The following TOX3 variants were observed in gnomAD, a reference collection of about 807,000 sequenced individuals.
The protein encoded by TOX3 is TOX high mobility group box family member 3.
A neutral mutation model predicts 64.3 loss-of-function variants in TOX3; 22 were observed. That is an observed-to-expected ratio of 0.34 (90% CI 0.24 to 0.49). The LOEUF is 0.49. Ranked by LOEUF, TOX3 falls within the 20% of genes least tolerant of loss-of-function variation. The pLI is 0.99. For synonymous variants in TOX3, 291 were observed against 273.6 expected, an observed-to-expected ratio of 1.06 and a Z score of -0.63; for missense variants, 661 against 714.4, an observed-to-expected ratio of 0.93 and a Z score of 0.85.
chr16:52,475,556 G>T (rs1394239397), intron 1 of TOX3: 2 of 152,208 alleles, frequency 1.3e-5, no homozygotes, highest in Non-Finnish European at 2.9e-5. Context: ...TAGGTGGATG[G>T]GGGTTGGGTG....
intron 1 of TOX3, 144 bp from the exon 2 acceptor site, chr16:52,468,718 C>T (rs1960941815): frequency 1.6e-6 from 1 of 612,998 alleles, no homozygotes; most frequent in South Asian, 2.0e-5. Flanking sequence ...CAAGGCTATA[C>T]TGTCAGCTGG....
chr16:52,475,464 A>G (rs8045897), intron 1 of TOX3: 81,956 of 152,006 alleles, frequency 0.54, 22,445 homozygotes, highest in East Asian at 0.78. Flanking sequence ...GTGTTATAAT[A>G]AAGTCCCATT....
intron 1 of TOX3, among the ~76,000 whole-genome samples, chr16:52,485,812 C>A (rs2151453148): frequency 6.6e-6 from 1 of 152,188 alleles, no homozygotes; most frequent in South Asian, 2.1e-4. Flanking sequence ...AAAGTTGAGT[C>A]ATGGATGGAT....
intron 1 of TOX3, among the ~76,000 whole-genome samples, chr16:52,526,479 A>G (rs573826220): frequency 6.6e-6 from 1 of 152,012 alleles, no homozygotes; most frequent in Non-Finnish European, 1.5e-5. Context: ...TATCTCCCCC[A>G]ATCTTTTTTG....
At chr16:52,450,824 G>GGAAC (rs1960320654) in intron 3 of TOX3, among the ~76,000 whole-genome samples, 1 of 62,644 alleles carries the variant, frequency 1.6e-5, no homozygotes, top group Non-Finnish European at 4.5e-5. Flanking sequence ...AAGGAAGGAA[G>GGAAC]GAAGGAAGGA....
chr16:52,519,705 C>T, intron 1 of TOX3: 2 of 847,302 alleles, frequency 2.4e-6, no homozygotes, highest in Non-Finnish European at 3.2e-6. Context: ...CACCTGTAAT[C>T]CCAGCACTTT....
In TOX3 at chr16:52,446,191, A is replaced by G; in HGVS notation, c.709T>C (p.Ser237Pro). 1 of 1,613,686 alleles carries G rather than the reference A, an allele frequency of 6.2e-7. No homozygotes were observed. Among genetic ancestry groups the G allele is most frequent in the Non-Finnish European group, 8.5e-7 (1 of 1,179,806 alleles). ...AIGEKRAAPD[S>P]GKKPKTPKKK... Reference sequence around the variant, plus strand: ...TTTGGAGTCTTGGGCTTCTTGCCAGAGTCTGGAGCAGCTCTTTTCTCTCCA... The same window carrying G: ...TTTGGAGTCTTGGGCTTCTTGCCAGGGTCTGGAGCAGCTCTTTTCTCTCCA... The change falls in exon 5 of 7, where the codon TCT becomes CCT. Residue 237 changes from serine to proline, a missense_variant. Ser to Pro is a moderately conservative substitution (Grantham distance 74, BLOSUM62 -1). This residue lies in a region of TOX3 where 103 missense variants were observed against 161.2 expected (regional missense o/e 0.64). Transcript: ENST00000219746.
chr16:52,473,974 T>C (rs1328939315), intron 1 of TOX3, among the ~76,000 whole-genome samples: 2 of 151,992 alleles, frequency 1.3e-5, no homozygotes, highest in African/African-American at 2.4e-5. Flanking sequence ...CACACACACG[T>C]CCACATGCTA....
chr16:52,439,590 T>A lies in TOX3; in HGVS notation c.1366A>T (p.Met456Leu). The change falls in exon 7 of 7, where the codon ATG becomes TTG. Residue 456 changes from methionine to leucine, a missense_variant. Met to Leu is a conservative substitution (Grantham distance 15). Transcript: ENST00000219746. ...QQQQQQQQQQ[M>L]QQMQQQQLQQ... Reference sequence around the variant, plus strand: ...AGTTGCTGCTGCTGCATCTGTTGCATCTGTTGTTGTTGCTGCTGCTGCTGC... The same window carrying A: ...AGTTGCTGCTGCTGCATCTGTTGCAACTGTTGTTGTTGCTGCTGCTGCTGC... The A allele has an allele frequency of 6.3e-7, 1 of 1,590,574 alleles. No individual in the cohort carries two copies. Among genetic ancestry groups the A allele is most frequent in the Non-Finnish European group, 8.6e-7 (1 of 1,163,368 alleles).
intron 1 of TOX3, among the ~76,000 whole-genome samples, chr16:52,502,376 A>G (rs1962026608): frequency 6.6e-6 from 1 of 152,232 alleles, no homozygotes; most frequent in African/African-American, 2.4e-5. Flanking sequence ...ACAAGCAGAA[A>G]TAAATATTAT....
At chr16:52,539,910 T>C (rs1963037786) in intron 1 of TOX3, among the ~76,000 whole-genome samples, 1 of 152,174 alleles carries the variant, frequency 6.6e-6, no homozygotes, top group Non-Finnish European at 1.5e-5. Flanking sequence ...CTTTCTTTTC[T>C]TTTGCATCCA....
upstream of TOX3, chr16:52,547,703 C>T (rs1167173934): frequency 2.0e-5 from 3 of 152,238 alleles, no homozygotes; most frequent in Non-Finnish European, 4.4e-5. Flanking sequence ...GAGCCGGGAC[C>T]CCAAGTTCAC....
chr16:52,490,793 C>A (rs1961661199), intron 1 of TOX3, among the ~76,000 whole-genome samples: 1 of 151,816 alleles, frequency 6.6e-6, no homozygotes, highest in African/African-American at 2.4e-5. Flanking sequence ...TCACACCCAG[C>A]TAATTTTTTA....
chr16:52,480,673 T>A (rs2151448719), intron 1 of TOX3, among the ~76,000 whole-genome samples: 1 of 152,338 alleles, frequency 6.6e-6, no homozygotes, highest in East Asian at 1.9e-4. Flanking sequence ...TTTCAATAAA[T>A]CCCTTTAATT....
At chr16:52,545,223 G>A (rs1963149774) in intron 1 of TOX3, among the ~76,000 whole-genome samples, 1 of 152,120 alleles carries the variant, frequency 6.6e-6, no homozygotes. Flanking sequence ...AATGCTTAGC[G>A]TAGCCCTTAG....
intron 1 of TOX3, among the ~76,000 whole-genome samples, chr16:52,529,982 G>A (rs1232984313): frequency 6.6e-6 from 1 of 152,226 alleles, no homozygotes. Context: ...ATGCCATCGT[G>A]AGCATTCAGC....
chr16:52,539,826 G>T, intron 1 of TOX3, among the ~76,000 whole-genome samples: 1 of 152,046 alleles, frequency 6.6e-6, no homozygotes, highest in East Asian at 1.9e-4. Context: ...CATTCGTCCA[G>T]GCCCCAAATT....
chr16:52,524,973 A>C (rs1378119614), intron 1 of TOX3, among the ~76,000 whole-genome samples: 1 of 152,138 alleles, frequency 6.6e-6, no homozygotes, highest in African/African-American at 2.4e-5. Flanking sequence ...TTAAATTAAA[A>C]AAAAAAAAAT....
chr16:52,531,498 T>C (rs1046808199), intron 1 of TOX3, among the ~76,000 whole-genome samples: 3 of 152,256 alleles, frequency 2.0e-5, no homozygotes, highest in Non-Finnish European at 4.4e-5. Context: ...CTACTATTCA[T>C]ATTAGATTAA....
Sources: gnomAD v4.1 joint callset for allele counts (sites outside exome capture counted in the v4.1 genomes callset) on GRCh38, gnomAD v4.1.1 for gene constraint, gnomAD v4.1.1 regional missense constraint, MANE v1.5 for transcripts, NCBI Gene and HGNC (gene_info 2026-07-23, HGNC 2026-07-21) for gene names.